The following EXT1 variants were observed in gnomAD, a reference collection of about 807,000 sequenced individuals.
EXT1 encodes the protein exostosin-1.
EXT1 carries 20 observed loss-of-function variants against 82.5 expected under a neutral mutation model. The observed-to-expected ratio is 0.24, with a 90% CI of 0.17 to 0.35. The LOEUF (loss-of-function observed/expected upper bound fraction) is 0.35, where lower values mean the gene tolerates loss of function less well. EXT1 is among the 10% of genes least tolerant of loss of function. EXT1 has a pLI of 1.00. For synonymous variants in EXT1, 348 were observed against 350.8 expected (o/e 0.99, Z 0.09); for missense variants, 757 against 936.5 (o/e 0.81, Z 2.50).
intron 1 of EXT1, among the ~76,000 whole-genome samples, chr8:117,915,855 CAAACA>C (rs60869745): frequency 0.12 from 18,565 of 148,728 alleles, 1,629 homozygotes; most frequent in African/African-American, 0.26. Context: ...GACTCTGTCT[CAAACA>C]AAACAAAACA....
chr8:117,998,058 G>A (rs1294364774), intron 1 of EXT1, among the ~76,000 whole-genome samples: 3 of 148,360 alleles, frequency 2.0e-5, no homozygotes, highest in Non-Finnish European at 4.4e-5. Flanking sequence ...TCTGTCACTA[G>A]GCTGGAGTGC....
At chr8:117,818,885 TAAC>T (rs1811874171) in intron 6 of EXT1, among the ~76,000 whole-genome samples, 1 of 152,298 alleles carries the variant, frequency 6.6e-6, no homozygotes, top group Admixed American at 6.5e-5. Context: ...GTGTGTGAGA[TAAC>T]AACTCTGATC....
chr8:118,045,996 A>G (rs141814719), intron 1 of EXT1, among the ~76,000 whole-genome samples: 1 of 151,828 alleles, frequency 6.6e-6, no homozygotes, highest in African/African-American at 2.4e-5. Context: ...GGGTTTCACC[A>G]TGTTGGCCAG....
At chr8:117,932,226 G>A (rs905688297) in intron 1 of EXT1, among the ~76,000 whole-genome samples, 1 of 152,042 alleles carries the variant, frequency 6.6e-6, no homozygotes, top group Non-Finnish European at 1.5e-5. Context: ...GAAAACTATT[G>A]AACAGAAAAG....
At chr8:117,914,608 T>C (rs917136442) in intron 1 of EXT1, among the ~76,000 whole-genome samples, 3 of 152,070 alleles carry the variant, frequency 2.0e-5, no homozygotes, top group Non-Finnish European at 4.4e-5. Flanking sequence ...AATGCATTCC[T>C]AGGGGGAGGT....
intron 1 of EXT1, among the ~76,000 whole-genome samples, chr8:117,938,048 A>G (rs768944254): frequency 2.0e-5 from 3 of 152,196 alleles, no homozygotes; most frequent in Non-Finnish European, 4.4e-5. Context: ...TTTGCCCCAC[A>G]CTATTCCAAA....
chr8:118,106,175 A>G (rs962564235), intron 1 of EXT1, among the ~76,000 whole-genome samples: 1 of 152,202 alleles, frequency 6.6e-6, no homozygotes, highest in African/African-American at 2.4e-5. Context: ...TTATTTACTT[A>G]TCATTTATTT....
intron 1 of EXT1, among the ~76,000 whole-genome samples, chr8:117,858,322 G>A (rs1812600419): frequency 6.6e-6 from 1 of 152,148 alleles, no homozygotes; most frequent in African/African-American, 2.4e-5. Flanking sequence ...CTACAGAGAA[G>A]TCTCTCATGA....
intron 1 of EXT1, among the ~76,000 whole-genome samples, chr8:117,974,356 G>C (rs1238731636): frequency 1.3e-5 from 2 of 152,118 alleles, no homozygotes; most frequent in African/African-American, 4.8e-5. Flanking sequence ...GCCTTCCCAA[G>C]CCCTCTTCCC....
intron 8 of EXT1, among the ~76,000 whole-genome samples, chr8:117,808,396 A>T (rs958489745): frequency 1.3e-5 from 2 of 152,226 alleles, no homozygotes; most frequent in Non-Finnish European, 2.9e-5. Context: ...GGAAACTAAG[A>T]TATAAGTTCA....
chr8:117,989,920 G>A (rs1815399111), intron 1 of EXT1, among the ~76,000 whole-genome samples: 2 of 152,178 alleles, frequency 1.3e-5, no homozygotes, highest in African/African-American at 2.4e-5. Flanking sequence ...CTGGAGGCGG[G>A]CACAGTGGCT....
At chr8:118,088,360 T>C (rs952636504) in intron 1 of EXT1, among the ~76,000 whole-genome samples, 17 of 152,174 alleles carry the variant, frequency 1.1e-4, no homozygotes, top group African/African-American at 4.1e-4. Flanking sequence ...GCTGTTAAGA[T>C]GGAATGAACC....
chr8:117,903,648 C>T (rs1018385525), intron 1 of EXT1, among the ~76,000 whole-genome samples: 43 of 152,290 alleles, frequency 2.8e-4, no homozygotes, highest in African/African-American at 1.0e-3. Flanking sequence ...CTCCCATTTT[C>T]CTCCTTTTTC....
intron 1 of EXT1, among the ~76,000 whole-genome samples, chr8:118,013,080 G>A (rs1310700429): frequency 6.6e-6 from 1 of 152,010 alleles, no homozygotes; most frequent in Non-Finnish European, 1.5e-5. Context: ...TGTTGCCCAG[G>A]CTGGAGTACA....
intron 1 of EXT1, among the ~76,000 whole-genome samples, chr8:117,968,547 TTA>T (rs1814871231): frequency 7.4e-5 from 1 of 13,586 alleles, no homozygotes; most frequent in Non-Finnish European, 1.1e-4. Flanking sequence ...ATTTATTTAT[TTA>T]TTTATTTTTT....
At chr8:118,102,886 G>A (rs1279978728) in intron 1 of EXT1, among the ~76,000 whole-genome samples, 2 of 152,042 alleles carry the variant, frequency 1.3e-5, no homozygotes, top group Admixed American at 6.5e-5. Flanking sequence ...CGGGCTTGGT[G>A]GCTCATGCCT....
Position 118,111,725 on chromosome 8 carries a change from C to A in EXT1, c.-679G>T, listed in dbSNP as rs1250377246. Reference sequence around the variant, plus strand: ...CGGCGGCGGCGGCGGCGCTGGGTGGCGGCGGCGGCGCGTCCTCCCCGCGGG... The same window carrying A: ...CGGCGGCGGCGGCGGCGCTGGGTGGAGGCGGCGGCGCGTCCTCCCCGCGGG... On this transcript the variant is annotated 5_prime_UTR_variant, in exon 1 of 11. Coordinates refer to ENST00000378204, the MANE Select transcript of EXT1 (RefSeq NM_000127.3). The A allele has an allele frequency of 8.1e-5, 12 of 147,950 alleles. No individual in the cohort carries two copies. Among genetic ancestry groups the A allele is most frequent in the Non-Finnish European group, 1.5e-5 (1 of 66,330 alleles). The allele number at this position is 147,950 out of a possible 1,614,324, so 9.2% of individuals were successfully genotyped here.
chr8:117,994,920 C>T (rs186263984), intron 1 of EXT1, among the ~76,000 whole-genome samples: 5 of 152,222 alleles, frequency 3.3e-5, no homozygotes, highest in South Asian at 2.1e-4. Flanking sequence ...GCTATTTGGA[C>T]GTTAATTTGC....
intron 1 of EXT1, among the ~76,000 whole-genome samples, chr8:118,013,065 C>G (rs1294641479): frequency 6.6e-6 from 1 of 152,002 alleles, no homozygotes; most frequent in African/African-American, 2.4e-5. Flanking sequence ...GACAGAATCT[C>G]TCTCTGTTGC....
Sources: gnomAD v4.1 joint callset for allele counts (sites outside exome capture counted in the v4.1 genomes callset) on GRCh38, gnomAD v4.1.1 for gene constraint, MANE v1.5 for transcripts, NCBI Gene and HGNC (gene_info 2026-07-23, HGNC 2026-07-21) for gene names.